The following MAPKAPK2 variants were observed in gnomAD, a reference collection of about 807,000 sequenced individuals.
The protein encoded by MAPKAPK2 is MAPK activated protein kinase 2.
MAPKAPK2 carries 9 observed loss-of-function variants against 48.8 expected under a neutral mutation model. That is an observed-to-expected ratio of 0.18 (90% CI 0.11 to 0.32). The LOEUF (loss-of-function observed/expected upper bound fraction) is 0.32, where lower values mean the gene tolerates loss of function less well. Among genes scored for constraint, MAPKAPK2 ranks in the 10% least tolerant of loss-of-function variants. The pLI, the probability that MAPKAPK2 is intolerant of heterozygous loss-of-function variation, is 1.00. For missense variants in MAPKAPK2, 331 were observed against 498.3 expected (o/e 0.66, Z 3.20); for synonymous variants, 202 against 190.6 (o/e 1.06, Z -0.49).
intron 1 of MAPKAPK2, among the ~76,000 whole-genome samples, chr1:206,693,094 A>G (rs1269435027): frequency 6.6e-6 from 1 of 152,054 alleles, no homozygotes; most frequent in Admixed American, 6.6e-5. Flanking sequence ...CTGCTTGTCT[A>G]CAGGGAGAAG....
At chr1:206,699,528 T>C (rs2102384047) in intron 1 of MAPKAPK2, among the ~76,000 whole-genome samples, 1 of 152,286 alleles carries the variant, frequency 6.6e-6, no homozygotes, top group Non-Finnish European at 1.5e-5. Flanking sequence ...TCCAGGAATC[T>C]GGTAATAGGC....
chr1:206,685,202 C>T lies in MAPKAPK2; in HGVS notation c.-28C>T. On this transcript the variant is annotated 5_prime_UTR_variant, in exon 1 of 10. Transcript: ENST00000367103. ...AGGAGGGGGCGGCCGCGGGCACCCC[C>T]GCCTGTGCCCCGGCGTCCCCGGGCA... 3.0e-6 allele frequency: 1 copy of T among 338,562 alleles called. No individual in the cohort carries two copies. The highest frequency in any genetic ancestry group is 5.1e-6 in the Non-Finnish European group (1 of 195,158). The allele number at this position is 338,562 out of a possible 1,614,324, so 21.0% of individuals were successfully genotyped here.
At chr1:206,703,336 T>C (rs1238568813) in intron 1 of MAPKAPK2, among the ~76,000 whole-genome samples, 1 of 152,052 alleles carries the variant, frequency 6.6e-6, no homozygotes, top group African/African-American at 2.4e-5. Flanking sequence ...AGAAGACAAA[T>C]GGAATAATGA....
chr1:206,719,256 G>A (rs782351836), intron 1 of MAPKAPK2, among the ~76,000 whole-genome samples: 9 of 152,196 alleles, frequency 5.9e-5, no homozygotes, highest in Non-Finnish European at 1.2e-4. Context: ...TTGAGCCCTA[G>A]GCTTTTGTGA....
At chr1:206,699,287 G>A (rs770192245) in intron 1 of MAPKAPK2, among the ~76,000 whole-genome samples, 4 of 152,174 alleles carry the variant, frequency 2.6e-5, no homozygotes, top group Non-Finnish European at 2.9e-5. Context: ...CACCAGGGTG[G>A]CCAATAAAGG....
Position 206,729,108 on chromosome 1 carries a change from G to T in MAPKAPK2, c.484+9G>T, listed in dbSNP as rs1553432272. 6 of 1,614,054 alleles carry T rather than the reference G, an allele frequency of 3.7e-6. No individual in the cohort carries two copies. Among genetic ancestry groups the T allele is most frequent in the Middle Eastern group, 1.7e-4 (1 of 6,060 alleles). ...GGCATTCACAGAAAGAGGTAGAAAG[G>T]GTCTGTTGTGGGAGCACGTGCAGGC... is the stretch of plus-strand genomic sequence containing the variant. On this transcript the variant is annotated intron_variant, in intron 3 of 9. Transcript: ENST00000367103.
intron 2 of MAPKAPK2, 89 bp downstream of exon 2, chr1:206,728,938 C>T (rs1553432241): frequency 1.9e-6 from 3 of 1,610,934 alleles, no homozygotes; most frequent in Non-Finnish European, 2.5e-6. Flanking sequence ...AGGGATGGGC[C>T]TGAAGCCTGG....
chr1:206,707,496 T>C (rs942266905), intron 1 of MAPKAPK2, among the ~76,000 whole-genome samples: 1 of 152,066 alleles, frequency 6.6e-6, no homozygotes, highest in Non-Finnish European at 1.5e-5. Flanking sequence ...GGCACTGAAA[T>C]TGGGGAGGAT....
chr1:206,728,581 C>A, intron 1 of MAPKAPK2, 129 bp from the exon 2 acceptor site: 1 of 993,878 alleles, frequency 1.0e-6, no homozygotes, highest in Non-Finnish European at 1.4e-6. Context: ...GCCAAGGGGG[C>A]TGGTGGGGGG....
chr1:206,729,554 C>T (rs1673830265), intron 4 of MAPKAPK2, 79 bp downstream of exon 4: 2 of 1,243,186 alleles, frequency 1.6e-6, no homozygotes, highest in South Asian at 1.2e-5. Context: ...AGATGGTTGC[C>T]AGGCCACCCT....
At chr1:206,699,432 C>T (rs190917548) in intron 1 of MAPKAPK2, among the ~76,000 whole-genome samples, 7 of 152,294 alleles carry the variant, frequency 4.6e-5, no homozygotes, top group Admixed American at 2.6e-4. Context: ...AAAATACGTC[C>T]AGTGGGATGG....
In MAPKAPK2 at chr1:206,732,491, T is replaced by G; in HGVS notation, c.1060-84T>G. Reference sequence around the variant, plus strand: ...GCCCTCACCCTGCCCTTGTTGTCTCTGTCTCTCACGTCTCTCTTCTGCTGT... The same window carrying G: ...GCCCTCACCCTGCCCTTGTTGTCTCGGTCTCTCACGTCTCTCTTCTGCTGT... On this transcript the variant is annotated intron_variant, in intron 9 of 9. Coordinates refer to ENST00000367103, the MANE Select transcript of MAPKAPK2 (RefSeq NM_032960.4). This position sits in a 1 kb window ranked among gnomAD's most constrained non-coding sequence, Gnocchi z 4.4. The G allele has an allele frequency of 6.4e-7, 1 of 1,570,846 alleles. No individual in the cohort carries two copies.
chr1:206,714,061 C>T (rs943388070), intron 1 of MAPKAPK2, among the ~76,000 whole-genome samples: 3 of 152,134 alleles, frequency 2.0e-5, no homozygotes, highest in Non-Finnish European at 4.4e-5. Context: ...ATGTCATTGC[C>T]GTTTACTGAG....
intron 1 of MAPKAPK2, among the ~76,000 whole-genome samples, chr1:206,719,947 G>A (rs563811303): frequency 2.0e-5 from 3 of 152,252 alleles, no homozygotes; most frequent in African/African-American, 7.2e-5. Flanking sequence ...GTTCTGTGGC[G>A]GTCACGGGGC....
chr1:206,696,096 A>G (rs782590933), intron 1 of MAPKAPK2: 22 of 1,264,370 alleles, frequency 1.7e-5, no homozygotes, highest in South Asian at 4.8e-5. Flanking sequence ...CCTTCATCCT[A>G]CCAGTCACAC....
At chr1:206,692,309 C>G (rs1672487609) in intron 1 of MAPKAPK2, among the ~76,000 whole-genome samples, 1 of 152,176 alleles carries the variant, frequency 6.6e-6, no homozygotes, top group Non-Finnish European at 1.5e-5. Flanking sequence ...ATTCACAGAG[C>G]TGATGAGGAA....
intron 1 of MAPKAPK2, among the ~76,000 whole-genome samples, chr1:206,717,999 C>T (rs1572504261): frequency 6.6e-6 from 1 of 152,232 alleles, no homozygotes; most frequent in South Asian, 2.1e-4. Flanking sequence ...ATCCTCTCCC[C>T]TCTTCCCTAA....
chr1:206,729,122 G>A, intron 3 of MAPKAPK2, 23 bp downstream of exon 3: 1 of 1,612,550 alleles, frequency 6.2e-7, no homozygotes, highest in Non-Finnish European at 8.5e-7. Flanking sequence ...TGTTGTGGGA[G>A]CACGTGCAGG....
intron 1 of MAPKAPK2, among the ~76,000 whole-genome samples, chr1:206,718,656 T>G (rs1377134092): frequency 6.6e-6 from 1 of 152,180 alleles, no homozygotes; most frequent in Non-Finnish European, 1.5e-5. Context: ...GATGGGGAGC[T>G]GCCTCTTTCT....
Sources: allele counts gnomAD v4.1 joint callset (sites outside exome capture counted in the v4.1 genomes callset), GRCh38; gene constraint gnomAD v4.1.1; non-coding constraint Gnocchi (gnomAD v3.1); transcripts MANE v1.5; gene names NCBI Gene and HGNC (gene_info 2026-07-23, HGNC 2026-07-21).